Variants in AAMDC observed in about 807,000 individuals in gnomAD.
AAMDC encodes the protein adipogenesis associated Mth938 domain containing.
A neutral mutation model predicts 15.5 loss-of-function variants in AAMDC; 16 were observed. That is an observed-to-expected ratio of 1.03 (90% CI 0.70 to 1.57). AAMDC has a LOEUF of 1.57. Among genes scored for constraint, AAMDC ranks in the 40% most tolerant of loss-of-function variants. The pLI is 0.00. For missense variants in AAMDC, 141 were observed against 144.9 expected, an observed-to-expected ratio of 0.97 and a Z score of 0.14; for synonymous variants, 51 against 51.6, an observed-to-expected ratio of 0.99 and a Z score of 0.05.
intron 1 of AAMDC, among the ~76,000 whole-genome samples, chr11:77,830,799 C>T (rs1565196398): frequency 6.6e-6 from 1 of 151,840 alleles, no homozygotes; most frequent in Non-Finnish European, 1.5e-5. Flanking sequence ...TGAAAAGATA[C>T]TCAACATCAT....
rs11237315 is a variant in AAMDC, at chr11:77,852,635, A to G, written c.132+10007A>G. On this transcript the variant is annotated intron_variant, in intron 2 of 3. Transcript: ENST00000393427. The stretch of plus-strand genomic sequence containing the variant: ...CTTAGAAAGTCTTATTCACCTCCCT[A>G]TCTCTTCCATCACATTCCCACCTCA... Among the ~76,000 whole-genome samples the G allele has an allele frequency of 2.8e-4, 43 of 152,210 alleles. No individual in the cohort carries two copies. The East Asian group carries it at 7.7e-3, about 27-fold the overall frequency.
chr11:77,842,818 CATT>C (rs1186876322), intron 2 of AAMDC, among the ~76,000 whole-genome samples, 190 bp downstream of exon 2: 3 of 152,190 alleles, frequency 2.0e-5, no homozygotes, highest in Non-Finnish European at 4.4e-5. Context: ...CCTGTAGTGA[CATT>C]ATAGTGACTT....
At chr11:77,851,446 GCTTTTGTTTT>G (rs1950379494) in intron 2 of AAMDC, 1 of 152,158 alleles carries the variant, frequency 6.6e-6, no homozygotes, top group Non-Finnish European at 1.5e-5. Flanking sequence ...GTTTGCTTTT[GCTTTTGTTTT>G]CCTATTCACC....
downstream of AAMDC, among the ~76,000 whole-genome samples, chr11:77,905,628 G>A (rs1294457231): frequency 6.6e-6 from 1 of 152,064 alleles, no homozygotes. Context: ...TATCCTTTTC[G>A]TACATCTGCA....
downstream of AAMDC, among the ~76,000 whole-genome samples, chr11:77,873,657 G>A (rs78863560): frequency 0.036 from 5,514 of 152,214 alleles, 302 homozygotes; most frequent in African/African-American, 0.12. Context: ...ATGATACAAT[G>A]TTAATATTAT....
At chr11:77,831,579 A>C (rs1590925883) in intron 1 of AAMDC, among the ~76,000 whole-genome samples, 1 of 151,496 alleles carries the variant, frequency 6.6e-6, no homozygotes, top group Non-Finnish European at 1.5e-5. Flanking sequence ...ATCTTAATAC[A>C]CCCTGCTCTA....
In AAMDC at chr11:77,821,205, C is replaced by T. The variant is rs540222090; in HGVS notation, c.-55C>T. On this transcript the variant is annotated 5_prime_UTR_variant, in exon 1 of 4. Transcript: ENST00000393427. ...CGTAAGTGCGGGCAGAGCACTGCGC[C>T]GTTTGGGAACGCAACTTTGAGGAGA... 3.3e-6 allele frequency: 1 copy of T among 304,908 alleles called. No homozygotes were observed. The highest frequency in any genetic ancestry group is 6.0e-6 in the Non-Finnish European group (1 of 165,830). The allele number at this position is 304,908 out of a possible 1,614,324, so 18.9% of individuals were successfully genotyped here.
intron 5 of AAMDC, among the ~76,000 whole-genome samples, chr11:77,895,262 A>C (rs888259836): frequency 6.6e-6 from 1 of 152,130 alleles, no homozygotes; most frequent in Non-Finnish European, 1.5e-5. Flanking sequence ...TTTCTTTAAT[A>C]TATTATTCAT....
chr11:77,828,410 G>A (rs1428363726), intron 1 of AAMDC, among the ~76,000 whole-genome samples: 1 of 152,168 alleles, frequency 6.6e-6, no homozygotes, highest in Non-Finnish European at 1.5e-5. Context: ...GCTCACACCT[G>A]TAATCCCAGT....
intron 3 of AAMDC, among the ~76,000 whole-genome samples, chr11:77,871,050 C>T (rs1043184638): frequency 3.9e-5 from 6 of 152,134 alleles, no homozygotes; most frequent in Non-Finnish European, 8.8e-5. Flanking sequence ...AGCAATCCTC[C>T]CATTTTGGCC....
chr11:77,869,667 A>G (rs1320630503), intron 2 of AAMDC, 55 bp from the exon 3 acceptor site: 1 of 1,479,312 alleles, frequency 6.8e-7, no homozygotes, highest in South Asian at 1.1e-5. Context: ...AAGAATGCCT[A>G]TTGCAATGAA....
downstream of AAMDC, among the ~76,000 whole-genome samples, chr11:77,904,344 C>T (rs547972287): frequency 6.6e-6 from 1 of 152,058 alleles, no homozygotes; most frequent in Non-Finnish European, 1.5e-5. Flanking sequence ...CTCGTAGCCA[C>T]GGTTTTTAAA....
intron 2 of AAMDC, among the ~76,000 whole-genome samples, chr11:77,843,343 AG>A (rs1950012615): frequency 6.6e-6 from 1 of 152,156 alleles, no homozygotes; most frequent in Non-Finnish European, 1.5e-5. Context: ...GGGCAAAACA[AG>A]GGAGCCTCTA....
intron 2 of AAMDC, among the ~76,000 whole-genome samples, chr11:77,845,103 T>C (rs535086558): frequency 1.5e-4 from 23 of 152,156 alleles, no homozygotes; most frequent in Non-Finnish European, 2.6e-4. Flanking sequence ...CTACTTGGAA[T>C]TTATTGAGCT....
rs915413817 is a variant in AAMDC, at chr11:77,883,845, G to A, written c.328+6796G>A. 37 of 1,612,810 alleles carry A rather than the reference G, an allele frequency of 2.3e-5. No homozygotes were observed. The Admixed American group carries it at 3.2e-4, about 14-fold the overall frequency. On this transcript the variant is annotated intron_variant, in intron 5 of 5. Coordinates refer to the AAMDC transcript ENST00000304716. The stretch of plus-strand genomic sequence containing the variant: ...CTGACTCCTTACCTGTCCAAGCGGT[G>A]TGGGAGAGATAAACCTGAGTGATGA...
rs377110140 is a variant in AAMDC, at chr11:77,838,702, C to T, written c.-18-3777C>T. ...CATTATCTGGGCTCACTGTAAGCTC[C>T]GCCTCCCGGGTTCACGCCATTCTCC... On this transcript the variant is annotated intron_variant, in intron 1 of 3. Coordinates refer to ENST00000393427, the MANE Select transcript of AAMDC (RefSeq NM_024684.4). Among the ~76,000 whole-genome samples the T allele has an allele frequency of 5.5e-4, 84 of 151,382 alleles. No homozygotes were observed. In the Middle Eastern group the frequency reaches 0.01, roughly 18 times the overall value.
At chr11:77,876,926 A>G (rs1171823116), downstream of AAMDC, 12 of 702,754 alleles carry the variant, frequency 1.7e-5, no homozygotes, top group Non-Finnish European at 2.9e-5. Context: ...GGCAGCAGCC[A>G]TGGTTCTTCA....
chr11:77,842,715 A>G lies in AAMDC; in HGVS notation c.132+87A>G, dbSNP rs900482088. The G allele has an allele frequency of 6.5e-6, 10 of 1,535,296 alleles. No individual in the cohort carries two copies. In the African/African-American group the frequency reaches 1.4e-4, roughly 21 times the overall value. ...AGCTGCAATGACTAAGTGAAAAACT[A>G]TTTCTCTTGTGTCTTTTTGAGATAT... On this transcript the variant is annotated intron_variant, in intron 2 of 3. Coordinates refer to ENST00000393427, the MANE Select transcript of AAMDC (RefSeq NM_024684.4).
chr11:77,858,985 T>C (rs182332444), intron 2 of AAMDC, among the ~76,000 whole-genome samples: 11 of 152,352 alleles, frequency 7.2e-5, no homozygotes, highest in Non-Finnish European at 1.3e-4. Context: ...GACTATCTGC[T>C]TGATAGTTTT....
Sources: gnomAD v4.1 joint callset for allele counts (sites outside exome capture counted in the v4.1 genomes callset) on GRCh38, gnomAD v4.1.1 for gene constraint, MANE v1.5 for transcripts, NCBI Gene and HGNC (gene_info 2026-07-23, HGNC 2026-07-21) for gene names.